Variants in IGF2 observed in about 807,000 individuals in gnomAD.
The protein encoded by IGF2 is insulin like growth factor 2.
Under a neutral mutation model 12.0 loss-of-function variants are expected in IGF2, and 2 were observed. The observed-to-expected ratio is 0.17, with a 90% CI of 0.07 to 0.52. IGF2 has a LOEUF of 0.52. IGF2 is among the 20% of genes least tolerant of loss of function. The probability of loss-of-function intolerance (pLI) is 0.95; values close to 1 mark genes in which losing one functional copy is unlikely to be tolerated. For missense variants in IGF2, 211 were observed against 268.0 expected (o/e 0.79, Z 1.48); for synonymous variants, 105 against 110.1 (o/e 0.95, Z 0.29).
At chr11:2,149,544 G>A in the IGF2 span, 889 of 609,618 alleles carry the variant, frequency 1.5e-3, 4 homozygotes, top group Non-Finnish European at 2.0e-3. Context: ...TGGTAGTGCT[G>A]AGGCCGCTGG....
At chr11:2,149,491 G>A in the IGF2 span, 27 of 722,896 alleles carry the variant, frequency 3.7e-5, no homozygotes, top group African/African-American at 5.3e-5. Context: ...CCCTCCACTC[G>A]TTTCCCTGAG....
chr11:2,133,821 G>A lies in IGF2; in HGVS notation c.158-156C>T. Reference sequence around the variant, plus strand: ...AGGGGAGGGAAGTGAGAGCTGGCAGGCAGAGGCGTCCCAGGAAGAAGAGAG... The same window carrying A: ...AGGGGAGGGAAGTGAGAGCTGGCAGACAGAGGCGTCCCAGGAAGAAGAGAG... On this transcript the variant is annotated intron_variant, in intron 2 of 3. Coordinates refer to ENST00000416167, the MANE Select transcript of IGF2 (RefSeq NM_000612.6). The surrounding 1 kb of genome is among the most constrained non-coding windows in gnomAD (Gnocchi z 8.9). 1 of 851,028 alleles carries A rather than the reference G, an allele frequency of 1.2e-6. No individual in the cohort carries two copies. Among genetic ancestry groups the A allele is most frequent in the Non-Finnish European group, 1.8e-6 (1 of 554,652 alleles). 52.7% of individuals were successfully genotyped at this position (851,028 alleles called of 1,614,324 possible). A position where few individuals can be genotyped will look rare whatever the true frequency, so the allele number is the denominator to read the frequency against.
At chr11:2,142,048 G>T (rs1051256461), upstream of IGF2, among the ~76,000 whole-genome samples, 38 of 152,158 alleles carry the variant, frequency 2.5e-4, no homozygotes, top group Admixed American at 3.3e-4. The surrounding 1 kb of genome is among the most constrained non-coding windows in gnomAD (Gnocchi z 5.7). Flanking sequence ...AACCTAGTTA[G>T]TAGCTAGGAA....
the IGF2 span, chr11:2,149,130 A>T: frequency 6.2e-7 from 1 of 1,612,856 alleles, no homozygotes; most frequent in Admixed American, 1.7e-5. Flanking sequence ...AGTTACCTGT[A>T]CTCTAGTCCC....
chr11:2,142,416 C>G (rs897730675), upstream of IGF2, among the ~76,000 whole-genome samples: 2 of 152,124 alleles, frequency 1.3e-5, no homozygotes, highest in African/African-American at 4.8e-5. The surrounding 1 kb of genome is among the most constrained non-coding windows in gnomAD (Gnocchi z 5.7). Flanking sequence ...GGTCTTAGGA[C>G]TTAGGAATTT....
Position 2,130,420 on chromosome 11 carries a change from A to G in IGF2, c.*2567T>C. The G allele has an allele frequency of 4.4e-6, 1 of 227,728 alleles. No individual in the cohort carries two copies. Among genetic ancestry groups the G allele is most frequent in the Non-Finnish European group, 8.7e-6 (1 of 114,614 alleles). 14.1% of individuals were successfully genotyped at this position (227,728 alleles called of 1,614,324 possible). ...TCAACTCAACCCAAGCAACAGGGAC[A>G]GATGAAAAACAAAATCCAATCAGGG... On this transcript the variant is annotated 3_prime_UTR_variant, in exon 4 of 4. Transcript: ENST00000416167.
rs540317644 is a variant in IGF2 at position 2,130,662 on chromosome 11, G to A, written c.*2325C>T. ...TAGATCAATTGACATGAAATTTGGG[G>A]GTTCCTAATTTCTCTATGTAATTCT... On this transcript the variant is annotated 3_prime_UTR_variant, in exon 4 of 4. Coordinates refer to ENST00000416167, the MANE Select transcript of IGF2 (RefSeq NM_000612.6). 11 of 213,986 alleles carry A rather than the reference G, an allele frequency of 5.1e-5. No individual in the cohort carries two copies. The East Asian group carries it at 6.8e-4, about 13-fold the overall frequency. The allele number at this position is 213,986 out of a possible 1,614,324, so 13.3% of individuals were successfully genotyped here.
upstream of IGF2, chr11:2,140,113 G>T: frequency 6.2e-7 from 1 of 1,609,606 alleles, no homozygotes. Flanking sequence ...GATCAGGGCG[G>T]GAAACACAGC....
At position 2,130,071 on chromosome 11, in the gene IGF2, C is replaced by T. The variant is rs1858426917; in HGVS notation, c.*2916G>A. The stretch of plus-strand genomic sequence containing the variant: ...ACAAGGCAGGGTGCTGAGGGGCGGG[C>T]AAGATGTCACCGAGGGAGAGGGGAG... On this transcript the variant is annotated 3_prime_UTR_variant, in exon 4 of 4. Coordinates refer to ENST00000416167, the MANE Select transcript of IGF2 (RefSeq NM_000612.6). 4.3e-6 allele frequency: 1 copy of T among 229,996 alleles called. No individual in the cohort carries two copies. Among genetic ancestry groups the T allele is most frequent in the East Asian group, 6.1e-5 (1 of 16,262 alleles). The allele number at this position is 229,996 out of a possible 1,614,324, so 14.2% of individuals were successfully genotyped here. A position where few individuals can be genotyped will look rare whatever the true frequency, so the allele number is the denominator to read the frequency against.
chr11:2,149,098 C>T, the IGF2 span: 2 of 1,598,532 alleles, frequency 1.3e-6, no homozygotes, highest in East Asian at 2.2e-5. Flanking sequence ...GCTTTTCTCT[C>T]ACACTCAAGG....
chr11:2,140,373 C>G, upstream of IGF2: 1 of 1,355,340 alleles, frequency 7.4e-7, no homozygotes, highest in Non-Finnish European at 1.0e-6. Flanking sequence ...AATCCCGCAC[C>G]CCGCCAGCCC....
chr11:2,132,620 GT>G lies in IGF2; in HGVS notation c.*366del, dbSNP rs2133580642. On this transcript the variant is annotated 3_prime_UTR_variant, in exon 4 of 4. Coordinates refer to ENST00000416167, the MANE Select transcript of IGF2 (RefSeq NM_000612.6). ...GCCAATTTCTGAGCTTTTGTGGGGT[GT>G]TTCTAAAAAGCCAATTAGTTTTAAG... is the stretch of plus-strand genomic sequence containing the variant. The G allele has an allele frequency of 6.5e-6, 1 of 154,326 alleles. No individual in the cohort carries two copies. Among genetic ancestry groups the G allele is most frequent in the East Asian group, 9.8e-5 (1 of 10,250 alleles). The allele number at this position is 154,326 out of a possible 1,614,324, so 9.6% of individuals were successfully genotyped here.
chr11:2,140,997 T>C (rs1859550727), upstream of IGF2: 1 of 263,968 alleles, frequency 3.8e-6, no homozygotes. Flanking sequence ...CAACGCCCAG[T>C]CCGTTGGAAG....
rs1564895183 is a variant in IGF2 at position 2,133,813 on chromosome 11, G to C, written c.158-148C>G. The stretch of plus-strand genomic sequence containing the variant: ...TGCGGGTCAGGGGAGGGAAGTGAGA[G>C]CTGGCAGGCAGAGGCGTCCCAGGAA... On this transcript the variant is annotated intron_variant, in intron 2 of 3. Coordinates refer to ENST00000416167, the MANE Select transcript of IGF2 (RefSeq NM_000612.6). This position sits in a 1 kb window ranked among gnomAD's most constrained non-coding sequence, Gnocchi z 8.9. 7.4e-6 allele frequency: 7 copies of C among 940,258 alleles called. No homozygotes were observed. Among genetic ancestry groups the C allele is most frequent in the Non-Finnish European group, 1.1e-5 (7 of 632,988 alleles). 58.2% of individuals were successfully genotyped at this position (940,258 alleles called of 1,614,324 possible). A position where few individuals can be genotyped will look rare whatever the true frequency, so the allele number is the denominator to read the frequency against.
rs544886527 is a variant in IGF2 at position 2,131,437 on chromosome 11, C to T, written c.*1550G>A. On this transcript the variant is annotated 3_prime_UTR_variant, in exon 4 of 4. Coordinates refer to ENST00000416167, the MANE Select transcript of IGF2 (RefSeq NM_000612.6). ...TTTTGTGGGGGTGTGCGTGTGTGTG[C>T]GCATGTGTGTGTGCAGGTGGGTGCT... The T allele has an allele frequency of 1.3e-5, 3 of 231,374 alleles. No homozygotes were observed. The highest frequency in any genetic ancestry group is 6.0e-5 in the East Asian group (1 of 16,536). 14.3% of individuals were successfully genotyped at this position (231,374 alleles called of 1,614,324 possible).
chr11:2,146,050 C>A (rs1229314692), upstream of IGF2, among the ~76,000 whole-genome samples: 1 of 152,222 alleles, frequency 6.6e-6, no homozygotes, highest in South Asian at 2.1e-4. Context: ...AGCCCTGAAC[C>A]AGCACCTCAC....
intron 1 of IGF2, among the ~76,000 whole-genome samples, chr11:2,135,851 G>A (rs1351893770): frequency 6.6e-6 from 1 of 152,202 alleles, no homozygotes; most frequent in African/African-American, 2.4e-5. Context: ...GGCATCCACA[G>A]CTGCAGGGGC....
In IGF2 at chr11:2,133,028, G is replaced by A; in HGVS notation, c.502C>T (p.His168Tyr). Residue 168 changes from histidine to tyrosine, a missense_variant, in exon 4 of 4, where the codon CAC becomes TAC. Physicochemically the swap from His to Tyr is moderately conservative, Grantham distance 83 (BLOSUM62 2). Transcript: ENST00000416167. The surrounding 1 kb of genome is among the most constrained non-coding windows in gnomAD (Gnocchi z 8.9). ...GCCATCTCTGGGGGGGCGCCCCCGT[G>A]GGCGGGGTCTTGGGTGGGTAGAGCA... ...LIALPTQDPA[H>Y]GGAPPEMASN... 6.4e-7 allele frequency: 1 copy of A among 1,564,118 alleles called. No homozygotes were observed. The highest frequency in any genetic ancestry group is 8.7e-7 in the Non-Finnish European group (1 of 1,154,556).
At chr11:2,140,299 C>G (rs1859473503), upstream of IGF2, 1 of 1,611,300 alleles carries the variant, frequency 6.2e-7, no homozygotes, top group Non-Finnish European at 8.5e-7. Context: ...GAAACCATCT[C>G]CTGGAGAGTT....
Sources: gnomAD v4.1 joint callset for allele counts (sites outside exome capture counted in the v4.1 genomes callset) on GRCh38, gnomAD v4.1.1 for gene constraint, Gnocchi (gnomAD v3.1) non-coding constraint, MANE v1.5 for transcripts, NCBI Gene and HGNC (gene_info 2026-07-23, HGNC 2026-07-21) for gene names.